Variants in ANGEL2 observed in about 807,000 individuals in gnomAD.
ANGEL2 encodes RNA 2',3'-cyclic phosphatase ANGEL2.
A neutral mutation model predicts 66.0 loss-of-function variants in ANGEL2; 41 were observed. The ratio of observed to expected loss-of-function variants is 0.62; its 90% confidence interval spans 0.48 to 0.81. The LOEUF (loss-of-function observed/expected upper bound fraction) is 0.81, where lower values mean the gene tolerates loss of function less well. Among genes scored for constraint, ANGEL2 ranks in the 30% least tolerant of loss-of-function variants. The pLI is 0.00. For synonymous variants in ANGEL2, 208 were observed against 226.5 expected (o/e 0.92, Z 0.73); for missense variants, 561 against 641.6 (o/e 0.87, Z 1.36).
chr1:212,996,440 G>A (rs917160335), intron 8 of ANGEL2, among the ~76,000 whole-genome samples: 2 of 150,848 alleles, frequency 1.3e-5, no homozygotes, highest in South Asian at 2.1e-4. Flanking sequence ...TGGGCAACAC[G>A]GTGAAACCCT....
chr1:213,015,866 A>G lies in ANGEL2; in HGVS notation c.-195T>C. The stretch of plus-strand genomic sequence containing the variant: ...CATCTTGCGCAGTCAGAGTCCCTGA[A>G]TGCCTTAACCCGGAATTCTGCTCAA... On this transcript the variant is annotated 5_prime_UTR_variant, in exon 1 of 9. Coordinates refer to ENST00000366962, the MANE Select transcript of ANGEL2 (RefSeq NM_144567.5). 1 of 646,358 alleles carries G rather than the reference A, an allele frequency of 1.5e-6. No homozygotes were observed. The highest frequency in any genetic ancestry group is 2.6e-6 in the Non-Finnish European group (1 of 381,706). 40.0% of individuals were successfully genotyped at this position (646,358 alleles called of 1,614,324 possible). A position where few individuals can be genotyped will look rare whatever the true frequency, so the allele number is the denominator to read the frequency against.
intron 5 of ANGEL2, among the ~76,000 whole-genome samples, chr1:213,003,122 C>T (rs1429615970): frequency 6.6e-6 from 1 of 152,188 alleles, no homozygotes; most frequent in East Asian, 1.9e-4. Context: ...GCAGCTTCCT[C>T]ATCTCTCAGC....
At chr1:213,002,102 A>C (rs1055155366) in intron 5 of ANGEL2, 1 of 152,540 alleles carries the variant, frequency 6.6e-6, no homozygotes, top group African/African-American at 2.4e-5. Flanking sequence ...CCCCAGATCC[A>C]TCAGAGAAAT....
intron 5 of ANGEL2, 33 bp downstream of exon 5, chr1:213,005,000 C>A (rs1161574374): frequency 6.7e-7 from 1 of 1,481,482 alleles, no homozygotes; most frequent in Non-Finnish European, 9.0e-7. Context: ...GCAACTATGT[C>A]CACTCCCTAA....
intron 3 of ANGEL2, among the ~76,000 whole-genome samples, chr1:213,007,606 C>T (rs2076371984): frequency 6.6e-6 from 1 of 152,144 alleles, no homozygotes; most frequent in Non-Finnish European, 1.5e-5. Flanking sequence ...TTAATATTTA[C>T]TGAATACTTA....
intron 2 of ANGEL2, among the ~76,000 whole-genome samples, chr1:213,012,050 T>C (rs1444089279): frequency 6.6e-6 from 1 of 152,256 alleles, no homozygotes; most frequent in African/African-American, 2.4e-5. Flanking sequence ...AGTGTTTTTT[T>C]CTGACTAGGT....
At chr1:213,011,284 C>A in intron 2 of ANGEL2, 1 of 1,284,358 alleles carries the variant, frequency 7.8e-7, no homozygotes, top group South Asian at 1.3e-5. Flanking sequence ...TAGGCCTGAT[C>A]AGGTTTTTAG....
chr1:213,003,061 C>T lies in ANGEL2; in HGVS notation c.1134+1972G>A, dbSNP rs114925555. Among the ~76,000 whole-genome samples the T allele has an allele frequency of 4.1e-3, 616 of 151,806 alleles. 1 individual carries two copies. The highest frequency in any genetic ancestry group is 0.014 in the African/African-American group (580 of 41,528). ...TACTTTTATGTTATGGAGATGGCTT[C>T]ATTCTTTAAACCTCATAAATTAACC... On this transcript the variant is annotated intron_variant, in intron 5 of 8. Coordinates refer to ENST00000366962, the MANE Select transcript of ANGEL2 (RefSeq NM_144567.5).
At chr1:212,999,870 G>C (rs976039431) in intron 7 of ANGEL2, among the ~76,000 whole-genome samples, 2 of 152,172 alleles carry the variant, frequency 1.3e-5, no homozygotes, top group African/African-American at 4.8e-5. Context: ...AGATGGTTTT[G>C]AGATTTAGTA....
Position 213,015,751 on chromosome 1 carries a change from T to C in ANGEL2, c.-80A>G. On this transcript the variant is annotated 5_prime_UTR_variant, in exon 1 of 9. Coordinates refer to ENST00000366962, the MANE Select transcript of ANGEL2 (RefSeq NM_144567.5). Reference sequence around the variant, plus strand: ...ATAATCGATGCGACGGCCTAAAGTATCTAGGGAACCCCATCACTCTTAAGT... The same window carrying C: ...ATAATCGATGCGACGGCCTAAAGTACCTAGGGAACCCCATCACTCTTAAGT... 1 of 1,594,988 alleles carries C rather than the reference T, an allele frequency of 6.3e-7. No individual in the cohort carries two copies.
In ANGEL2 at chr1:212,993,428, TG is replaced by T. The variant is rs1417721066; in HGVS notation, c.*1612del. 5.9e-5 allele frequency: 9 copies of T among 152,250 alleles called. No individual in the cohort carries two copies. Among genetic ancestry groups the T allele is most frequent in the Admixed American group, 4.6e-4 (7 of 15,290 alleles). 9.4% of individuals were successfully genotyped at this position (152,250 alleles called of 1,614,324 possible). A position where few individuals can be genotyped will look rare whatever the true frequency, so the allele number is the denominator to read the frequency against. On this transcript the variant is annotated 3_prime_UTR_variant, in exon 9 of 9. Transcript: ENST00000366962. ...GCCTTCTCTGAGGTTTTCATCTGTT[TG>T]TTTTTTTAAAAATAATTATAGCAAA...
intron 5 of ANGEL2, among the ~76,000 whole-genome samples, chr1:213,004,027 A>C (rs1031493470): frequency 2.6e-5 from 4 of 152,036 alleles, no homozygotes; most frequent in Admixed American, 2.6e-4. Flanking sequence ...AACACTGTGA[A>C]ACCCCATCTC....
At chr1:213,002,106 G>A (rs2148147623) in intron 5 of ANGEL2, 1 of 152,602 alleles carries the variant, frequency 6.6e-6, no homozygotes, top group African/African-American at 2.4e-5. Context: ...AGATCCATCA[G>A]AGAAATCACT....
intron 1 of ANGEL2, 182 bp downstream of exon 1, chr1:213,015,431 G>A (rs2076617553): frequency 4.9e-6 from 7 of 1,422,132 alleles, no homozygotes; most frequent in Non-Finnish European, 6.4e-6. Flanking sequence ...GCTGCGCGGC[G>A]GGTTTACCTA....
intron 5 of ANGEL2, chr1:213,002,061 C>G (rs1408539383): frequency 6.5e-6 from 1 of 152,744 alleles, no homozygotes; most frequent in Non-Finnish European, 1.5e-5. Flanking sequence ...ATTTAGGATG[C>G]TGAATCCTTT....
rs368233542 is a variant in ANGEL2 at position 212,997,255 on chromosome 1, G to A, written c.1383C>T (p.Asp461=). Residue 461 remains aspartate (D), a synonymous_variant, in exon 8 of 9, where the codon GAC becomes GAT. Coordinates refer to ENST00000366962, the MANE Select transcript of ANGEL2 (RefSeq NM_144567.5). The stretch of plus-strand genomic sequence containing the variant: ...AGGTGGTCACTTCTGGAATTCCAGT[G>A]TCAGGAAAGTAATGTGAATAAACAG... The part of the protein sequence containing the change: ...LSSVYSHYFP[D]TGIPEVTTCH... 63 of 1,613,508 alleles carry A rather than the reference G, an allele frequency of 3.9e-5. No individual in the cohort carries two copies. Among genetic ancestry groups the A allele is most frequent in the African/African-American group, 6.7e-5 (5 of 74,928 alleles).
intron 2 of ANGEL2, among the ~76,000 whole-genome samples, chr1:213,009,601 G>T (rs193123569): frequency 6.6e-6 from 1 of 152,264 alleles, no homozygotes; most frequent in Non-Finnish European, 1.5e-5. Flanking sequence ...TATATAGAGG[G>T]TGAAATAAAG....
chr1:213,000,756 A>T (rs2076155261), intron 6 of ANGEL2, 30 bp downstream of exon 6: 1 of 1,582,192 alleles, frequency 6.3e-7, no homozygotes, highest in Admixed American at 2.1e-5. Context: ...ATTACCCAGC[A>T]GACTGCCAAA....
At position 213,008,204 on chromosome 1, in the gene ANGEL2, A is replaced by T. The variant is rs767292727; in HGVS notation, c.642+6T>A. 3 of 1,610,142 alleles carry T rather than the reference A, an allele frequency of 1.9e-6. No homozygotes were observed. The highest frequency in any genetic ancestry group is 8.5e-7 in the Non-Finnish European group (1 of 1,178,000). On this transcript the variant is annotated splice_donor_region_variant and intron_variant, in intron 3 of 8. Coordinates refer to ENST00000366962, the MANE Select transcript of ANGEL2 (RefSeq NM_144567.5). ...GTGAAGAATTTCAATAATATTTTGC[A>T]CTTACGTCTGCATCAAAATGTTTAA...
Sources: allele counts gnomAD v4.1 joint callset (sites outside exome capture counted in the v4.1 genomes callset), GRCh38; gene constraint gnomAD v4.1.1; transcripts MANE v1.5; gene names NCBI Gene and HGNC (gene_info 2026-07-23, HGNC 2026-07-21).